The following DLG2 variants were observed in gnomAD, a reference collection of about 807,000 sequenced individuals.
DLG2 encodes disks large homolog 2.
DLG2 carries 45 observed loss-of-function variants against 132.5 expected under a neutral mutation model. The ratio of observed to expected loss-of-function variants is 0.34; its 90% CI spans 0.27 to 0.44. DLG2 has a LOEUF of 0.44. Ranked by LOEUF, DLG2 falls within the 20% of genes least tolerant of loss-of-function variation. The probability of loss-of-function intolerance (pLI) is 1.00; values close to 1 mark genes in which losing one functional copy is unlikely to be tolerated. For missense variants in DLG2, 1,045 were observed against 1,196.9 expected (o/e 0.87, Z 1.87); for synonymous variants, 424 against 419.6 (o/e 1.01, Z -0.13).
chr11:84,639,348 G>GTTTTTTTTTT (rs550030032), intron 6 of DLG2, among the ~76,000 whole-genome samples: 2 of 126,812 alleles, frequency 1.6e-5, no homozygotes, highest in Non-Finnish European at 3.4e-5. Context: ...AGATATCTGT[G>GTTTTTTTTTT]TTTTTTTTTT....
At chr11:84,371,384 T>C (rs914629772) in intron 7 of DLG2, among the ~76,000 whole-genome samples, 2 of 151,766 alleles carry the variant, frequency 1.3e-5, no homozygotes, top group Non-Finnish European at 2.9e-5. Context: ...ACCTCCCAAG[T>C]AGCTGAAGTT....
chr11:85,236,764 C>G (rs2152663813), intron 4 of DLG2, among the ~76,000 whole-genome samples: 1 of 152,104 alleles, frequency 6.6e-6, no homozygotes, highest in South Asian at 2.1e-4. Context: ...AACTGAGGTT[C>G]TAAAATTTTT....
At chr11:85,585,052 G>T (rs903107092) in intron 3 of DLG2, among the ~76,000 whole-genome samples, 6 of 152,076 alleles carry the variant, frequency 3.9e-5, no homozygotes, top group Non-Finnish European at 7.4e-5. Flanking sequence ...TTGCTTTTGG[G>T]TTCTTGGTCA....
chr11:84,364,574 T>A (rs2098670519), intron 7 of DLG2, among the ~76,000 whole-genome samples: 1 of 152,190 alleles, frequency 6.6e-6, no homozygotes, highest in African/African-American at 2.4e-5. Flanking sequence ...AGAGAGGACA[T>A]CCCTGTCTTG....
At chr11:83,867,701 A>T (rs553159615) in intron 16 of DLG2, among the ~76,000 whole-genome samples, 1 of 152,256 alleles carries the variant, frequency 6.6e-6, no homozygotes, top group South Asian at 2.1e-4. Context: ...TTGTTTATGT[A>T]TTTATTTATT....
At chr11:85,206,135 C>G (rs958390701) in intron 4 of DLG2, among the ~76,000 whole-genome samples, 6 of 152,074 alleles carry the variant, frequency 3.9e-5, no homozygotes, top group African/African-American at 1.4e-4. Context: ...CCTCCCTGAT[C>G]TCTATCTTCC....
intron 11 of DLG2, among the ~76,000 whole-genome samples, chr11:83,988,199 A>T (rs1445464681): frequency 6.6e-6 from 1 of 151,944 alleles, no homozygotes; most frequent in Non-Finnish European, 1.5e-5. Flanking sequence ...TTCGTTAAGA[A>T]TTCTTGCCTG....
intron 16 of DLG2, among the ~76,000 whole-genome samples, chr11:83,866,558 A>C (rs946526729): frequency 1.3e-5 from 2 of 152,130 alleles, no homozygotes; most frequent in Non-Finnish European, 2.9e-5. Flanking sequence ...GCAATTTTCT[A>C]GTTGGATATT....
intron 6 of DLG2, among the ~76,000 whole-genome samples, chr11:84,863,487 A>G (rs924732520): frequency 1.3e-5 from 2 of 152,306 alleles, no homozygotes; most frequent in Non-Finnish European, 2.9e-5. Context: ...ACATTGTGAA[A>G]TTAATTTTAT....
At chr11:85,432,710 G>T (rs1597306325) in intron 3 of DLG2, among the ~76,000 whole-genome samples, 1 of 152,104 alleles carries the variant, frequency 6.6e-6, no homozygotes, top group Non-Finnish European at 1.5e-5. Context: ...GTACCTGAAA[G>T]AGAGGAGAAT....
intron 19 of DLG2, among the ~76,000 whole-genome samples, chr11:83,605,044 T>TGAGAGAGAGA: frequency 1.1e-5 from 1 of 92,106 alleles, no homozygotes; most frequent in Middle Eastern, 5.7e-3. Context: ...AGAGATTGAT[T>TGAGAGAGAGA]GATTCACAGC....
intron 21 of DLG2, among the ~76,000 whole-genome samples, chr11:83,503,621 G>T (rs1321427792): frequency 6.6e-6 from 1 of 151,686 alleles, no homozygotes; most frequent in African/African-American, 2.4e-5. Context: ...AAGGATGTGG[G>T]CTGGGAGGCT....
intron 7 of DLG2, among the ~76,000 whole-genome samples, chr11:84,526,610 A>C (rs934371258): frequency 6.6e-5 from 10 of 152,132 alleles, no homozygotes; most frequent in African/African-American, 2.4e-4. Context: ...AACTTTTATT[A>C]AAGTATATTG....
chr11:84,126,218 G>A (rs563785953), intron 9 of DLG2, among the ~76,000 whole-genome samples: 174 of 152,224 alleles, frequency 1.1e-3, no homozygotes, highest in Non-Finnish European at 2.1e-3. Flanking sequence ...GAAGGGTCAG[G>A]AGAATTAGTA....
intron 3 of DLG2, among the ~76,000 whole-genome samples, chr11:85,397,350 A>G (rs780170757): frequency 2.0e-5 from 3 of 152,116 alleles, no homozygotes; most frequent in Non-Finnish European, 4.4e-5. Flanking sequence ...AGCATCAATG[A>G]TATGAAGAAA....
At chr11:83,495,158 T>C (rs2094083363) in intron 21 of DLG2, among the ~76,000 whole-genome samples, 1 of 152,124 alleles carries the variant, frequency 6.6e-6, no homozygotes, top group Non-Finnish European at 1.5e-5. Flanking sequence ...CTCTGTGTCA[T>C]CTAATTATGA....
At chr11:84,299,760 C>T (rs1298095492) in intron 7 of DLG2, among the ~76,000 whole-genome samples, 1 of 152,166 alleles carries the variant, frequency 6.6e-6, no homozygotes, top group African/African-American at 2.4e-5. Flanking sequence ...AATCTCTTTC[C>T]TCAACGTACT....
chr11:84,379,201 A>G (rs2098740882), intron 7 of DLG2, among the ~76,000 whole-genome samples: 1 of 152,154 alleles, frequency 6.6e-6, no homozygotes, highest in East Asian at 1.9e-4. Flanking sequence ...AATCAGCAAA[A>G]GAAAATAACA....
At chr11:84,317,007 T>C (rs771004590) in intron 7 of DLG2, 10 of 1,612,794 alleles carry the variant, frequency 6.2e-6, no homozygotes, top group South Asian at 2.2e-5. Context: ...GTCTGAGAAC[T>C]GTACCCGAGC....
Sources: gnomAD v4.1 joint callset for allele counts (sites outside exome capture counted in the v4.1 genomes callset) on GRCh38, gnomAD v4.1.1 for gene constraint, MANE v1.5 for transcripts, NCBI Gene and HGNC (gene_info 2026-07-23, HGNC 2026-07-21) for gene names.